RELCH: variants seen among roughly 807,000 people sequenced by gnomAD.
RELCH encodes the protein RAB11 binding and LisH domain, coiled-coil and HEAT repeat containing, also known as RAB11-binding protein RELCH.
RELCH carries 41 observed loss-of-function variants against 150.3 expected under a neutral mutation model. That is an observed-to-expected ratio of 0.27 (90% CI 0.21 to 0.35). The LOEUF (loss-of-function observed/expected upper bound fraction) is 0.35. Among genes scored for constraint, RELCH ranks in the 10% least tolerant of loss-of-function variants. RELCH has a pLI of 1.00. For synonymous variants in RELCH, 478 were observed against 531.8 expected (o/e 0.90, Z 1.39); for missense variants, 1,092 against 1,467.8 (o/e 0.74, Z 4.18).
chr18:62,277,876 T>C (rs2044297987), intron 22 of RELCH: 1 of 929,708 alleles, frequency 1.1e-6, no homozygotes, highest in Non-Finnish European at 1.3e-6. Flanking sequence ...ATTTTAATCA[T>C]AAGGAAATTG....
At chr18:62,274,243 G>C (rs1323781186) in intron 21 of RELCH, among the ~76,000 whole-genome samples, 157 bp downstream of exon 21, 1 of 151,884 alleles carries the variant, frequency 6.6e-6, no homozygotes, top group Admixed American at 6.6e-5. Context: ...TTTGTTTCTT[G>C]GTTTTGCTTA....
rs1050263963 is a variant in RELCH, at chr18:62,252,761, A to C, written c.1824+7A>C. ...ACCACAGTGTTGGGAACAGGTAAAT[A>C]ACTGTATTGAGTTTTCACCTAGCTA... On this transcript the variant is annotated splice_region_variant and intron_variant, in intron 12 of 28. Coordinates refer to ENST00000644646, the MANE Select transcript of RELCH (RefSeq NM_001346231.2). The C allele has an allele frequency of 1.0e-5, 16 of 1,605,614 alleles. No individual in the cohort carries two copies. Among genetic ancestry groups the C allele is most frequent in the Non-Finnish European group, 1.3e-5 (15 of 1,172,376 alleles).
chr18:62,235,065 A>G (rs1362439561), intron 10 of RELCH: 2 of 152,006 alleles, frequency 1.3e-5, no homozygotes, highest in Non-Finnish European at 2.9e-5. Flanking sequence ...TATATATAAG[A>G]GCTAAAGCTA....
chr18:62,302,931 G>A (rs1419318199), intron 28 of RELCH, among the ~76,000 whole-genome samples: 1 of 152,172 alleles, frequency 6.6e-6, no homozygotes, highest in Non-Finnish European at 1.5e-5. Flanking sequence ...AGATTTGCTT[G>A]AAAACTTCCA....
chr18:62,205,024 A>G (rs940420154), intron 1 of RELCH, among the ~76,000 whole-genome samples: 5 of 152,188 alleles, frequency 3.3e-5, no homozygotes, highest in African/African-American at 1.2e-4. Flanking sequence ...AGAATTTTTT[A>G]CCCATACATC....
chr18:62,275,364 T>TTC lies in RELCH; in HGVS notation c.2868-9_2868-8insCT. ...TCAATTTTAACACTGTTTTTTTTTT[T>TTC]TTCTTCTAGTGCAAACCCAGCCTAC... On this transcript the variant is annotated splice_polypyrimidine_tract_variant and intron_variant, in intron 21 of 28. Transcript: ENST00000644646. The TTC allele has an allele frequency of 6.6e-7, 1 of 1,506,228 alleles. No individual in the cohort carries two copies. Among genetic ancestry groups the TTC allele is most frequent in the African/African-American group, 1.4e-5 (1 of 69,918 alleles). 93.3% of individuals were successfully genotyped at this position (1,506,228 alleles called of 1,614,324 possible). A position where few individuals can be genotyped will look rare whatever the true frequency, so the allele number is the denominator to read the frequency against.
In RELCH at chr18:62,238,320, G is replaced by A. The variant is rs75949664; in HGVS notation, c.1620+5893G>A. On this transcript the variant is annotated intron_variant, in intron 10 of 28. Coordinates refer to ENST00000644646, the MANE Select transcript of RELCH (RefSeq NM_001346231.2). ...GGGAGAGAAAAGTAAAAGATGGACTGATTTTTTATATGTGGCTTACATAGT... is the reference window on the plus strand; with the variant it reads ...GGGAGAGAAAAGTAAAAGATGGACTAATTTTTTATATGTGGCTTACATAGT... Among the ~76,000 whole-genome samples, 31 of 152,012 alleles carry A rather than the reference G, an allele frequency of 2.0e-4. 1 individual carries two copies. The East Asian group carries it at 6.0e-3, about 29-fold the overall frequency.
chr18:62,231,306 A>G, intron 9 of RELCH, 37 bp downstream of exon 9: 2 of 1,281,202 alleles, frequency 1.6e-6, no homozygotes, highest in Non-Finnish European at 2.3e-6. Flanking sequence ...CTTTTTAAAA[A>G]CATTCTACTG....
intron 20 of RELCH, among the ~76,000 whole-genome samples, chr18:62,271,054 G>A (rs574836055): frequency 1.7e-4 from 26 of 152,270 alleles, no homozygotes; most frequent in African/African-American, 4.8e-4. Flanking sequence ...ATAAACATAC[G>A]TGTGCATGTG....
intron 10 of RELCH, among the ~76,000 whole-genome samples, chr18:62,233,033 A>G (rs896929132): frequency 6.6e-6 from 1 of 151,916 alleles, no homozygotes; most frequent in Admixed American, 6.6e-5. Context: ...TAAGTATCCA[A>G]AATACATTTG....
rs754467910 is a variant in RELCH at position 62,187,612 on chromosome 18, G to C, written c.107G>C (p.Arg36Pro). The change falls in exon 1 of 29, where the codon CGG (arginine) becomes CCG (proline). Residue 36 changes from arginine to proline, a missense_variant. By Grantham distance (103) the Arg-to-Pro change is moderately radical (BLOSUM62 -2). This residue lies in a region of RELCH where 138 missense variants were observed against 124.8 expected (regional missense o/e 1.11). Coordinates refer to ENST00000644646, the MANE Select transcript of RELCH (RefSeq NM_001346231.2). ...DDEVAATEER[R>P]AVLRLGAGSG... ...GAGGTAGCTGCAACAGAGGAACGGC[G>C]GGCAGTACTTCGGCTGGGCGCCGGA... 6.5e-7 allele frequency: 1 copy of C among 1,534,294 alleles called. No individual in the cohort carries two copies. Among genetic ancestry groups the C allele is most frequent in the African/African-American group, 1.4e-5 (1 of 72,416 alleles).
chr18:62,218,254 A>G (rs2040609310), intron 2 of RELCH, among the ~76,000 whole-genome samples: 1 of 152,000 alleles, frequency 6.6e-6, no homozygotes, highest in Non-Finnish European at 1.5e-5. Flanking sequence ...TTTACATAGC[A>G]AAATAGATGA....
intron 15 of RELCH, among the ~76,000 whole-genome samples, chr18:62,260,193 C>CAAAAAAAAAAAAAAAAAAA (rs377119786): frequency 2.0e-4 from 19 of 95,758 alleles, no homozygotes; most frequent in East Asian, 6.7e-4. Flanking sequence ...AACTCAACAG[C>CAAAAAAAAAAAAAAAAAAA]AAAAAAAAAA....
intron 20 of RELCH, chr18:62,269,508 TG>T (rs1449316819): frequency 7.2e-6 from 2 of 276,260 alleles, no homozygotes; most frequent in East Asian, 9.7e-5. Context: ...ACACATAGCC[TG>T]AAGGTAATTT....
At position 62,264,770 on chromosome 18, in the gene RELCH, C is replaced by T; in HGVS notation, c.2549C>T (p.Thr850Ile). ...GAAATAGTTGGCAAAATTAATGTTA[C>T]TTCAACTGCCTGTGTCCATGAATTC... ...LIEIVGKINVTSTACVHEFSR... is the reference protein window; with the variant it reads ...LIEIVGKINVISTACVHEFSR... Residue 850 changes from threonine (T) to isoleucine (I), a missense_variant, in exon 18 of 29, where the codon ACT (threonine) becomes ATT (isoleucine). Transcript: ENST00000644646. 1 of 1,605,092 alleles carries T rather than the reference C, an allele frequency of 6.2e-7. No homozygotes were observed. The highest frequency in any genetic ancestry group is 8.5e-7 in the Non-Finnish European group (1 of 1,174,736).
chr18:62,244,773 C>T lies in RELCH; in HGVS notation c.1630C>T (p.Pro544Ser). The stretch of plus-strand genomic sequence containing the variant: ...CCTCGTATTTCTTTAGGAGTTGATC[C>T]CCCTCATATTGTGTACAGCATGTCT... ...VLLAKREELI[P>S]LILCTACLHP... Residue 544 changes from proline (P) to serine (S), a missense_variant, in exon 11 of 29, where the codon CCC becomes TCC. By Grantham distance (74) the Pro-to-Ser change is moderately conservative. This residue lies in a region of RELCH where 707 missense variants were observed against 1,025.4 expected (regional missense o/e 0.69). Coordinates refer to ENST00000644646, the MANE Select transcript of RELCH (RefSeq NM_001346231.2). The T allele has an allele frequency of 1.2e-6, 2 of 1,603,580 alleles. No homozygotes were observed. The highest frequency in any genetic ancestry group is 1.7e-6 in the Non-Finnish European group (2 of 1,171,918).
In RELCH at chr18:62,220,589, A is replaced by AT. The variant is rs540926299; in HGVS notation, c.617-448_617-447insT. On this transcript the variant is annotated intron_variant, in intron 2 of 28. Coordinates refer to ENST00000644646, the MANE Select transcript of RELCH (RefSeq NM_001346231.2). ...TTTAAGTTAACTTTTGTAAAAAAAA[A>AT]ATCCTAAGTTTTTCTTTTTAAGAAT... Among the ~76,000 whole-genome samples the AT allele has an allele frequency of 1.9e-3, 289 of 152,090 alleles. 1 individual carries two copies. Among genetic ancestry groups the AT allele is most frequent in the African/African-American group, 6.7e-3 (279 of 41,538 alleles).
intron 16 of RELCH, among the ~76,000 whole-genome samples, chr18:62,262,234 C>T (rs1031992042): frequency 3.3e-5 from 5 of 151,944 alleles, no homozygotes; most frequent in East Asian, 3.9e-4. Flanking sequence ...TCTTACTCTC[C>T]GAGTAGCTAG....
chr18:62,307,358 A>C lies in RELCH; in HGVS notation c.*1824A>C, dbSNP rs2045909431. The C allele has an allele frequency of 6.6e-6, 1 of 152,124 alleles. No homozygotes were observed. Among genetic ancestry groups the C allele is most frequent in the African/African-American group, 2.4e-5 (1 of 41,444 alleles). 9.4% of individuals were successfully genotyped at this position (152,124 alleles called of 1,614,324 possible). On this transcript the variant is annotated 3_prime_UTR_variant, in exon 29 of 29. Transcript: ENST00000644646. ...TAAACTCTGATTTGCTTCAAACTAT[A>C]GTAGAATATGTGTATGTTTGTTATC...
Sources: allele counts gnomAD v4.1 joint callset (sites outside exome capture counted in the v4.1 genomes callset), GRCh38; gene constraint gnomAD v4.1.1; regional missense constraint gnomAD v4.1.1; transcripts MANE v1.5; gene names NCBI Gene and HGNC (gene_info 2026-07-23, HGNC 2026-07-21).